The following KLF12 variants were observed in gnomAD, a reference collection of about 807,000 sequenced individuals.
KLF12 encodes Krueppel-like factor 12.
A neutral mutation model predicts 37.8 loss-of-function variants in KLF12; 9 were observed. The observed-to-expected ratio is 0.24, with a 90% CI of 0.14 to 0.42. The LOEUF (loss-of-function observed/expected upper bound fraction) is 0.42, where lower values mean the gene tolerates loss of function less well. Ranked by LOEUF, KLF12 falls within the 10% of genes least tolerant of loss-of-function variation. KLF12 has a pLI of 1.00. For missense variants in KLF12, 411 were observed against 516.0 expected, an observed-to-expected ratio of 0.80 and a Z score of 1.97; for synonymous variants, 208 against 202.1, an observed-to-expected ratio of 1.03 and a Z score of -0.25.
At chr13:74,002,222 T>C (rs1892298878) in intron 1 of KLF12, among the ~76,000 whole-genome samples, 1 of 152,204 alleles carries the variant, frequency 6.6e-6, no homozygotes, top group Admixed American at 6.5e-5. Context: ...GCTGTCATAA[T>C]ACATAATCAA....
At chr13:74,208,746 G>A in the KLF12 span, among the ~76,000 whole-genome samples, 1 of 152,188 alleles carries the variant, frequency 6.6e-6, no homozygotes, top group East Asian at 1.9e-4. Context: ...AGGCTAAGAT[G>A]GGAGGACTGT....
At chr13:73,982,235 T>C (rs1891705629) in intron 2 of KLF12, among the ~76,000 whole-genome samples, 1 of 152,176 alleles carries the variant, frequency 6.6e-6, no homozygotes, top group Non-Finnish European at 1.5e-5. Flanking sequence ...TTTTAAGGCA[T>C]GAATAGAAAC....
At chr13:73,726,132 C>A (rs1314694635) in intron 6 of KLF12, among the ~76,000 whole-genome samples, 1 of 152,028 alleles carries the variant, frequency 6.6e-6, no homozygotes, top group Non-Finnish European at 1.5e-5. Context: ...GGATTATAGG[C>A]GTGAGTAACC....
intron 5 of KLF12, among the ~76,000 whole-genome samples, chr13:73,809,361 G>T (rs756627779): frequency 1.0e-4 from 7 of 67,348 alleles, no homozygotes; most frequent in Admixed American, 2.7e-4. Context: ...ATCAAGATAC[G>T]GAAAGACAAA....
the KLF12 span, among the ~76,000 whole-genome samples, chr13:74,179,456 C>T: frequency 6.6e-6 from 1 of 152,134 alleles, no homozygotes; most frequent in South Asian, 2.1e-4. Context: ...ATCTTGCCAT[C>T]CACCTTTTAG....
At chr13:73,882,056 C>T (rs191933822) in intron 3 of KLF12, among the ~76,000 whole-genome samples, 2 of 152,068 alleles carry the variant, frequency 1.3e-5, no homozygotes, top group East Asian at 1.9e-4. Flanking sequence ...TCTATTAGCT[C>T]GCTTAATATT....
chr13:73,891,640 G>T (rs1887510688), intron 3 of KLF12, among the ~76,000 whole-genome samples: 1 of 152,058 alleles, frequency 6.6e-6, no homozygotes, highest in African/African-American at 2.4e-5. Flanking sequence ...GCATTTTCTT[G>T]CCTTCTTAAC....
At chr13:74,158,258 G>C in the KLF12 span, among the ~76,000 whole-genome samples, 1 of 152,182 alleles carries the variant, frequency 6.6e-6, no homozygotes, top group African/African-American at 2.4e-5. Flanking sequence ...GCGGCTGCAG[G>C]ATGTTTGGCT....
the KLF12 span, among the ~76,000 whole-genome samples, chr13:74,231,153 A>G: frequency 6.6e-6 from 1 of 152,052 alleles, no homozygotes; most frequent in Non-Finnish European, 1.5e-5. Flanking sequence ...TTATAAAAGT[A>G]AAGTCAGGTA....
chr13:73,728,238 T>C (rs1294058717), intron 6 of KLF12, among the ~76,000 whole-genome samples: 1 of 152,134 alleles, frequency 6.6e-6, no homozygotes, highest in Non-Finnish European at 1.5e-5. Context: ...GAAATCGTTT[T>C]CTTAAATTAA....
intron 4 of KLF12, among the ~76,000 whole-genome samples, chr13:73,842,585 T>C (rs1198814856): frequency 2.6e-5 from 4 of 152,224 alleles, no homozygotes; most frequent in Non-Finnish European, 5.9e-5. Flanking sequence ...CTTCACGTAA[T>C]GTGACATGTA....
At chr13:73,815,991 G>A (rs1381964034) in intron 4 of KLF12, among the ~76,000 whole-genome samples, 1 of 152,138 alleles carries the variant, frequency 6.6e-6, no homozygotes, top group East Asian at 1.9e-4. Flanking sequence ...GAGCATAATT[G>A]AGGATTTCTT....
At chr13:73,912,482 G>A (rs899852120) in intron 3 of KLF12, among the ~76,000 whole-genome samples, 4 of 152,104 alleles carry the variant, frequency 2.6e-5, no homozygotes, top group African/African-American at 4.8e-5. Flanking sequence ...TATAAGAACA[G>A]GAGAAGAAAC....
chr13:74,241,908 G>A, the KLF12 span, among the ~76,000 whole-genome samples: 1 of 152,198 alleles, frequency 6.6e-6, no homozygotes, highest in African/African-American at 2.4e-5. Context: ...CGTCTTCTGC[G>A]TCGCTCACGC....
At chr13:74,235,060 A>G in the KLF12 span, among the ~76,000 whole-genome samples, 2 of 152,190 alleles carry the variant, frequency 1.3e-5, no homozygotes, top group Non-Finnish European at 2.9e-5. Flanking sequence ...CTCAGTGGTC[A>G]CTTGCTTTCT....
chr13:74,074,925 C>T (rs958833762), intron 1 of KLF12, among the ~76,000 whole-genome samples: 12 of 152,184 alleles, frequency 7.9e-5, no homozygotes, highest in African/African-American at 2.7e-4. Flanking sequence ...AACTGAAGCA[C>T]ACAGCACAGC....
intron 2 of KLF12, among the ~76,000 whole-genome samples, chr13:73,959,386 C>A (rs1012075483): frequency 1.3e-5 from 2 of 151,998 alleles, no homozygotes; most frequent in Non-Finnish European, 2.9e-5. Flanking sequence ...AATTGTTCCT[C>A]TATGTCTACA....
At chr13:73,752,356 CT>C (rs1318393964) in intron 6 of KLF12, among the ~76,000 whole-genome samples, 3 of 144,540 alleles carry the variant, frequency 2.1e-5, no homozygotes, top group African/African-American at 5.3e-5. Context: ...GCATTTTTAC[CT>C]TCGGATTTTC....
the KLF12 span, among the ~76,000 whole-genome samples, chr13:74,216,256 CCA>C: frequency 6.6e-6 from 1 of 151,960 alleles, no homozygotes; most frequent in East Asian, 1.9e-4. Flanking sequence ...GTTTAAATAC[CCA>C]CACACACACA....
Sources: allele counts gnomAD v4.1 joint callset (sites outside exome capture counted in the v4.1 genomes callset), GRCh38; gene constraint gnomAD v4.1.1; transcripts MANE v1.5; gene names NCBI Gene and HGNC (gene_info 2026-07-23, HGNC 2026-07-21).